Variants in ARB2A observed in about 807,000 individuals in gnomAD.
ARB2A encodes ARB2 cotranscriptional regulator A.
the ARB2A span, among the ~76,000 whole-genome samples, chr5:93,827,469 G>T: frequency 2.0e-5 from 3 of 151,998 alleles, no homozygotes; most frequent in African/African-American, 4.8e-5. Flanking sequence ...TAAATTTGTT[G>T]GAGTTCATTG....
chr5:93,755,189 T>C, the ARB2A span, among the ~76,000 whole-genome samples: 1 of 152,212 alleles, frequency 6.6e-6, no homozygotes, highest in Admixed American at 6.5e-5. Context: ...CTCATATTTA[T>C]ACAAGATAAG....
chr5:93,951,018 C>T, the ARB2A span, among the ~76,000 whole-genome samples: 2 of 151,028 alleles, frequency 1.3e-5, no homozygotes, highest in Non-Finnish European at 3.0e-5. Flanking sequence ...AAATAAAAGC[C>T]ATTTTAACTG....
the ARB2A span, chr5:93,734,457 G>A: frequency 6.6e-6 from 1 of 152,248 alleles, no homozygotes; most frequent in African/African-American, 2.4e-5. Flanking sequence ...TTGAATATGT[G>A]ATGAAGGCTA....
chr5:93,966,935 A>G, the ARB2A span, among the ~76,000 whole-genome samples: 11 of 152,068 alleles, frequency 7.2e-5, no homozygotes, highest in African/African-American at 2.7e-4. Context: ...TGGCAAACAG[A>G]AGATACTTAA....
chr5:93,977,699 G>C, the ARB2A span, among the ~76,000 whole-genome samples: 3 of 152,044 alleles, frequency 2.0e-5, no homozygotes, highest in African/African-American at 7.2e-5. Flanking sequence ...TCCAGATGGT[G>C]GCCTAAGCAA....
At chr5:93,763,449 A>G in the ARB2A span, among the ~76,000 whole-genome samples, 2 of 152,348 alleles carry the variant, frequency 1.3e-5, no homozygotes, top group Non-Finnish European at 2.9e-5. Flanking sequence ...AGAGACAAAG[A>G]AGGCCATTAC....
chr5:93,817,339 A>G, the ARB2A span, among the ~76,000 whole-genome samples: 3 of 152,200 alleles, frequency 2.0e-5, no homozygotes, highest in African/African-American at 7.2e-5. Context: ...AGACCTAAAT[A>G]AACGGAAAGA....
the ARB2A span, among the ~76,000 whole-genome samples, chr5:93,622,284 C>A: frequency 1.3e-5 from 2 of 152,040 alleles, no homozygotes; most frequent in Non-Finnish European, 2.9e-5. Flanking sequence ...AGAGAGATAC[C>A]GCTTGGAAGT....
the ARB2A span, among the ~76,000 whole-genome samples, chr5:94,004,561 G>A: frequency 2.7e-5 from 4 of 149,310 alleles, no homozygotes; most frequent in East Asian, 2.0e-4. Context: ...CAGCCTGGGC[G>A]ACAAAGTGAG....
At chr5:93,782,618 TAAC>T in the ARB2A span, among the ~76,000 whole-genome samples, 22 of 152,166 alleles carry the variant, frequency 1.4e-4, no homozygotes, top group African/African-American at 4.6e-4. Flanking sequence ...AGTGAGACTG[TAAC>T]AACAACAGCT....
chr5:93,931,882 T>C, the ARB2A span, among the ~76,000 whole-genome samples: 21 of 152,210 alleles, frequency 1.4e-4, no homozygotes, highest in Admixed American at 1.3e-3. Flanking sequence ...TTATATAGTT[T>C]GTACTCTTTG....
At chr5:93,895,077 A>G in the ARB2A span, among the ~76,000 whole-genome samples, 1 of 152,168 alleles carries the variant, frequency 6.6e-6, no homozygotes, top group African/African-American at 2.4e-5. Context: ...TTTCCAACCA[A>G]AAAAACAAGA....
chr5:93,832,468 T>C, the ARB2A span, among the ~76,000 whole-genome samples: 1 of 152,172 alleles, frequency 6.6e-6, no homozygotes, highest in Admixed American at 6.5e-5. Flanking sequence ...ACAGGCAATA[T>C]TGTCTAGTGA....
the ARB2A span, among the ~76,000 whole-genome samples, chr5:93,771,672 A>G: frequency 9.2e-5 from 14 of 152,258 alleles, no homozygotes; most frequent in African/African-American, 3.1e-4. Context: ...TCTCAAAAGA[A>G]GACATTTATG....
chr5:93,961,215 TG>T, the ARB2A span, among the ~76,000 whole-genome samples: 3 of 152,116 alleles, frequency 2.0e-5, no homozygotes, highest in South Asian at 6.2e-4. Flanking sequence ...GATCCTGGAA[TG>T]GCTATGGAGA....
the ARB2A span, chr5:94,056,056 T>A: frequency 2.5e-6 from 1 of 406,434 alleles, no homozygotes; most frequent in Non-Finnish European, 3.3e-6. Flanking sequence ...TCAGGTAAAA[T>A]GGCTTGTCCA....
the ARB2A span, among the ~76,000 whole-genome samples, chr5:93,858,998 G>A: frequency 6.6e-6 from 1 of 152,010 alleles, no homozygotes; most frequent in Non-Finnish European, 1.5e-5. Flanking sequence ...TCCAAATACT[G>A]CAGGTTCTAT....
At chr5:93,854,892 T>G in the ARB2A span, among the ~76,000 whole-genome samples, 1 of 152,186 alleles carries the variant, frequency 6.6e-6, no homozygotes, top group African/African-American at 2.4e-5. Flanking sequence ...GTGGTCAATT[T>G]TGGAATAGGC....
chr5:93,803,476 A>G, the ARB2A span, among the ~76,000 whole-genome samples: 1 of 151,010 alleles, frequency 6.6e-6, no homozygotes, highest in South Asian at 2.1e-4. Context: ...AAAAAGAGGG[A>G]TAAATTCTAA....
Sources: allele counts gnomAD v4.1 joint callset (sites outside exome capture counted in the v4.1 genomes callset), GRCh38; gene constraint gnomAD v4.1.1; transcripts MANE v1.5; gene names NCBI Gene and HGNC (gene_info 2026-07-23, HGNC 2026-07-21).